Variants in NCOA7 observed in about 807,000 individuals in gnomAD.
NCOA7 encodes the protein 140 kDa estrogen receptor-associated protein.
A neutral mutation model predicts 104.3 loss-of-function variants in NCOA7; 45 were observed. That is an observed-to-expected ratio of 0.43 (90% CI 0.34 to 0.55). The LOEUF is 0.55. Among genes scored for constraint, NCOA7 ranks in the 20% least tolerant of loss-of-function variants. The pLI is 0.02. For missense variants in NCOA7, 1,041 were observed against 1,119.7 expected (o/e 0.93, Z 1.00); for synonymous variants, 398 against 402.3 (o/e 0.99, Z 0.13).
Position 125,889,687 on chromosome 6 carries a change from T to A in NCOA7, c.1633T>A (p.Leu545Ile), listed in dbSNP as rs139109113. The change falls in exon 9 of 16, where the codon TTA becomes ATA. Residue 545 changes from leucine (L) to isoleucine (I), a missense_variant. By Grantham distance (5) the Leu-to-Ile change is conservative (BLOSUM62 2). This residue lies in a region of NCOA7 where 914 missense variants were observed against 942.7 expected (regional missense o/e 0.97). Coordinates refer to ENST00000392477, the MANE Select transcript of NCOA7 (RefSeq NM_181782.5). ...ATCTGAAAATTTGCAGAAAACAGAA[T>A]TAAGTGATGGAAAAAGTATTGAACC... ...QVSENLQKTE[L>I]SDGKSIEPGG... 1.2e-4 allele frequency: 189 copies of A among 1,614,064 alleles called. No homozygotes were observed. Among genetic ancestry groups the A allele is most frequent in the Non-Finnish European group, 1.5e-4 (175 of 1,180,002 alleles).
chr6:125,887,154 T>C (rs1405434013), intron 8 of NCOA7, among the ~76,000 whole-genome samples: 1 of 152,190 alleles, frequency 6.6e-6, no homozygotes, highest in Admixed American at 6.5e-5. Context: ...GACAAGGTAA[T>C]CTAGAAAGCT....
intron 15 of NCOA7, 81 bp from the exon 16 acceptor site, chr6:125,928,555 A>G (rs1788241851): frequency 6.7e-7 from 1 of 1,488,188 alleles, no homozygotes. Flanking sequence ...TATAAAGGAA[A>G]GAAGATGGGG....
chr6:125,915,266 A>G, intron 10 of NCOA7, 67 bp from the exon 11 acceptor site: 2 of 1,580,556 alleles, frequency 1.3e-6, no homozygotes, highest in Non-Finnish European at 1.7e-6. Flanking sequence ...TATGTACTGA[A>G]GTCCACACTA....
At chr6:125,856,221 T>G (rs887679313) in intron 3 of NCOA7, among the ~76,000 whole-genome samples, 2 of 152,042 alleles carry the variant, frequency 1.3e-5, no homozygotes, top group Non-Finnish European at 2.9e-5. Context: ...GAGAACATAC[T>G]GCAAATACGG....
chr6:125,909,559 C>G (rs993996194), intron 10 of NCOA7, among the ~76,000 whole-genome samples: 6 of 152,030 alleles, frequency 3.9e-5, no homozygotes, highest in Non-Finnish European at 7.4e-5. Flanking sequence ...GCCTGTAATC[C>G]CAGCACTTTG....
At chr6:125,790,868 G>A (rs1249331720), upstream of NCOA7, 2 of 152,648 alleles carry the variant, frequency 1.3e-5, no homozygotes, top group African/African-American at 2.4e-5. Context: ...TCCGGACGCG[G>A]GGCCCCGCGG....
intron 10 of NCOA7, among the ~76,000 whole-genome samples, chr6:125,902,486 T>G (rs926047157): frequency 8.6e-5 from 13 of 152,024 alleles, no homozygotes; most frequent in Admixed American, 8.5e-4. Flanking sequence ...GCCATGTTTT[T>G]TTTTTTTTTA....
chr6:125,787,359 T>C (rs1268077), upstream of NCOA7, among the ~76,000 whole-genome samples: 8,322 of 152,270 alleles, frequency 0.055, 674 homozygotes, highest in African/African-American at 0.18. Flanking sequence ...ATTTGCAGGA[T>C]TGCCACTGTT....
intron 2 of NCOA7, among the ~76,000 whole-genome samples, chr6:125,830,781 G>GTGTGTGTA (rs1343929988): frequency 7.0e-6 from 1 of 143,070 alleles, no homozygotes; most frequent in Non-Finnish European, 1.6e-5. Flanking sequence ...GTGTGTGTGT[G>GTGTGTGTA]TATAGATATA....
intron 3 of NCOA7, among the ~76,000 whole-genome samples, chr6:125,873,942 C>T (rs557106078): frequency 1.3e-4 from 20 of 152,218 alleles, no homozygotes; most frequent in African/African-American, 4.6e-4. Flanking sequence ...TTTCTGATAT[C>T]TGAATTAATA....
chr6:125,788,824 G>A (rs1774600186), upstream of NCOA7, among the ~76,000 whole-genome samples: 1 of 151,522 alleles, frequency 6.6e-6, no homozygotes, highest in Non-Finnish European at 1.5e-5. Context: ...TTACAAGCGT[G>A]AGCCACTGCG....
intron 8 of NCOA7, among the ~76,000 whole-genome samples, chr6:125,886,919 G>T (rs1784309264): frequency 6.6e-6 from 1 of 152,240 alleles, no homozygotes; most frequent in Non-Finnish European, 1.5e-5. Context: ...CACACGTGCA[G>T]GACGTTTTGT....
intron 10 of NCOA7, among the ~76,000 whole-genome samples, chr6:125,903,456 T>C (rs910503219): frequency 6.6e-6 from 1 of 152,194 alleles, no homozygotes; most frequent in Admixed American, 6.5e-5. Context: ...GATTTGTCCA[T>C]GTCTCTTCCT....
chr6:125,883,576 G>A (rs1169530534), intron 7 of NCOA7, among the ~76,000 whole-genome samples: 1 of 151,926 alleles, frequency 6.6e-6, no homozygotes, highest in Non-Finnish European at 1.5e-5. Flanking sequence ...TCTCCAGGAG[G>A]CAATCACTTA....
chr6:125,789,665 AG>A (rs1336468521), upstream of NCOA7, among the ~76,000 whole-genome samples: 2 of 152,262 alleles, frequency 1.3e-5, no homozygotes, highest in African/African-American at 4.8e-5. Context: ...ATACGTGCTT[AG>A]TGCAAAACTG....
intron 10 of NCOA7, among the ~76,000 whole-genome samples, chr6:125,910,617 A>T (rs561415236): frequency 6.6e-6 from 1 of 152,362 alleles, no homozygotes; most frequent in Admixed American, 6.5e-5. Context: ...GAGGGTAAAA[A>T]TAATATAATC....
chr6:125,860,651 A>T (rs1004819453), intron 3 of NCOA7, among the ~76,000 whole-genome samples: 10 of 152,152 alleles, frequency 6.6e-5, no homozygotes, highest in African/African-American at 2.4e-4. Context: ...CCCCGCCCGG[A>T]TCCTTTTATA....
In NCOA7 at chr6:125,882,460, T is replaced by C; in HGVS notation, c.608T>C (p.Ile203Thr). 6.2e-7 allele frequency: 1 copy of C among 1,613,626 alleles called. No homozygotes were observed. The highest frequency in any genetic ancestry group is 2.2e-5 in the East Asian group (1 of 44,850). The stretch of plus-strand genomic sequence containing the variant: ...TTAGCACGAAAGGCCTTGAAACCCA[T>C]TGAAAGAGTCTTATCGTCTACTTCT... ...ADLARKALKPIERVLSSTSEE... is the reference protein window; with the variant it reads ...ADLARKALKPTERVLSSTSEE... The change falls in exon 7 of 16, where the codon ATT (isoleucine) becomes ACT (threonine). Residue 203 changes from isoleucine to threonine, a missense_variant. Transcript: ENST00000392477.
chr6:125,916,749 C>G (rs966329087), intron 11 of NCOA7, among the ~76,000 whole-genome samples: 6 of 152,164 alleles, frequency 3.9e-5, no homozygotes, highest in Non-Finnish European at 7.4e-5. Flanking sequence ...TTTTCTGCTC[C>G]TAGGCAGCCA....
Sources: gnomAD v4.1 joint callset for allele counts (sites outside exome capture counted in the v4.1 genomes callset) on GRCh38, gnomAD v4.1.1 for gene constraint, gnomAD v4.1.1 regional missense constraint, MANE v1.5 for transcripts, NCBI Gene and HGNC (gene_info 2026-07-23, HGNC 2026-07-21) for gene names.